The following SYNRG variants were observed in gnomAD, a reference collection of about 807,000 sequenced individuals.
SYNRG encodes AP1 gamma subunit binding protein 1.
A neutral mutation model predicts 130.9 loss-of-function variants in SYNRG; 37 were observed. The observed-to-expected ratio is 0.28, with a 90% confidence interval of 0.22 to 0.37. SYNRG has a LOEUF of 0.37. Ranked by LOEUF, SYNRG falls within the 10% of genes least tolerant of loss-of-function variation. The pLI is 1.00. For synonymous variants in SYNRG, 539 were observed against 568.1 expected (o/e 0.95, Z 0.73); for missense variants, 1,338 against 1,588.9 (o/e 0.84, Z 2.68).
At chr17:37,608,830 C>T (rs1297544623) in intron 1 of SYNRG, among the ~76,000 whole-genome samples, 3 of 152,164 alleles carry the variant, frequency 2.0e-5, no homozygotes, top group Admixed American at 6.5e-5. Context: ...CACACACACC[C>T]CCCTTGGAAA....
chr17:37,538,081 CAG>C (rs1387835362), intron 18 of SYNRG, among the ~76,000 whole-genome samples: 13 of 152,294 alleles, frequency 8.5e-5, no homozygotes, highest in Middle Eastern at 6.8e-3. Context: ...ACCAGTAACA[CAG>C]ATATAATTTT....
At chr17:37,596,188 T>C (rs1200236481) in intron 3 of SYNRG, 35 bp downstream of exon 3, 1 of 1,607,644 alleles carries the variant, frequency 6.2e-7, no homozygotes, top group Non-Finnish European at 8.5e-7. Context: ...CAACAAACAA[T>C]AACTTTGTAA....
chr17:37,561,362 T>C (rs1388204276), intron 12 of SYNRG, 105 bp from the exon 13 acceptor site: 10 of 1,420,974 alleles, frequency 7.0e-6, no homozygotes, highest in Non-Finnish European at 9.9e-6. Flanking sequence ...ACATGTGGTA[T>C]ACAGGCATTT....
intron 19 of SYNRG, among the ~76,000 whole-genome samples, chr17:37,521,796 C>T (rs1175977404): frequency 6.6e-6 from 1 of 152,080 alleles, no homozygotes; most frequent in Non-Finnish European, 1.5e-5. Context: ...GCTGACGAGG[C>T]AGGAGAATGA....
rs547140259 is a variant in SYNRG at position 37,549,164 on chromosome 17, G to T, written c.2608+3951C>A. Among the ~76,000 whole-genome samples, 3 of 148,974 alleles carry T rather than the reference G, an allele frequency of 2.0e-5. No homozygotes were observed. The East Asian group carries it at 5.9e-4, about 29-fold the overall frequency. ...AAAAAAAAAAAAGTCCTCATCTTCA[G>T]TGATTTAATTTCCTTCCTTCCTCAA... On this transcript the variant is annotated intron_variant, in intron 14 of 21. Coordinates refer to ENST00000612223, the MANE Select transcript of SYNRG (RefSeq NM_007247.6).
In SYNRG at chr17:37,520,580, A is replaced by G; in HGVS notation, c.3735T>C (p.Leu1245=). The G allele has an allele frequency of 6.2e-7, 1 of 1,614,206 alleles. No individual in the cohort carries two copies. The highest frequency in any genetic ancestry group is 1.1e-5 in the South Asian group (1 of 91,080). ...CATTCAAGAGGCACACTCCACAGGC[A>G]AGCTCCTGAGCATTTTTAATCCCAG... The part of the protein sequence containing the change: ...LRPGIKNAQE[L]ACGVCLLNVD... The change falls in exon 20 of 22, where the codon CTT becomes CTC. Residue 1245 remains leucine (L), a synonymous_variant. Coordinates refer to ENST00000612223, the MANE Select transcript of SYNRG (RefSeq NM_007247.6).
chr17:37,538,300 A>G lies in SYNRG; in HGVS notation c.3517+24T>C, dbSNP rs769350674. 86 of 1,520,210 alleles carry G rather than the reference A, an allele frequency of 5.7e-5. No individual in the cohort carries two copies. In the African/African-American group the frequency reaches 1.1e-3, roughly 19 times the overall value. 94.2% of individuals were successfully genotyped at this position (1,520,210 alleles called of 1,614,324 possible). A position where few individuals can be genotyped will look rare whatever the true frequency, so the allele number is the denominator to read the frequency against. On this transcript the variant is annotated intron_variant, in intron 18 of 21. Transcript: ENST00000612223. The stretch of plus-strand genomic sequence containing the variant: ...ATAATGCAAAGGGCCATCATTTTCA[A>G]TAGTAAAATATGAAAGAACATACCT...
chr17:37,559,532 A>G (rs1482741613), intron 13 of SYNRG, among the ~76,000 whole-genome samples: 4 of 152,230 alleles, frequency 2.6e-5, no homozygotes, highest in Non-Finnish European at 4.4e-5. Context: ...TCTACTAAAA[A>G]TATGAAAATT....
At chr17:37,604,554 T>TA (rs1340638092) in intron 1 of SYNRG, among the ~76,000 whole-genome samples, 1 of 152,228 alleles carries the variant, frequency 6.6e-6, no homozygotes, top group African/African-American at 2.4e-5. Flanking sequence ...TCCAGACCAC[T>TA]CACCCTTTTT....
intron 19 of SYNRG, among the ~76,000 whole-genome samples, chr17:37,526,236 T>C (rs763369648): frequency 5.9e-5 from 9 of 152,210 alleles, no homozygotes; most frequent in African/African-American, 1.2e-4. Flanking sequence ...ATGTTCCACA[T>C]GGTGGAGGCT....
In SYNRG at chr17:37,536,088, A is replaced by C. The variant is rs2057161351; in HGVS notation, c.3557T>G (p.Leu1186Arg). Residue 1186 changes from leucine to arginine, a missense_variant, in exon 19 of 22, where the codon CTG becomes CGG. Physicochemically the swap from Leu to Arg is moderately radical, Grantham distance 102 (BLOSUM62 -2). Transcript: ENST00000612223. ...EVYRVTKRVELGIKATAVCSE... is the reference protein window; with the variant it reads ...EVYRVTKRVERGIKATAVCSE... ...GCACACTGCAGTGGCTTTTATCCCC[A>C]GCTCCACACGCTTGGTTACCCTGTA... 1 of 1,613,924 alleles carries C rather than the reference A, an allele frequency of 6.2e-7. No individual in the cohort carries two copies. Among genetic ancestry groups the C allele is most frequent in the Non-Finnish European group, 8.5e-7 (1 of 1,179,994 alleles).
chr17:37,585,511 G>C, intron 4 of SYNRG, 81 bp from the exon 5 acceptor site: 2 of 958,546 alleles, frequency 2.1e-6, no homozygotes, highest in Non-Finnish European at 3.2e-6. Context: ...AACAGTTTCA[G>C]CAATATCATG....
rs762141700 is a variant in SYNRG at position 37,542,412 on chromosome 17, G to A, written c.2762C>T (p.Ser921Leu). ...TTTCTTTTGAAGAATTGAGGTGGCTGAGGGGGATCCACTTCCTGCTGAGAG... is the reference window on the plus strand; with the variant it reads ...TTTCTTTTGAAGAATTGAGGTGGCTAAGGGGGATCCACTTCCTGCTGAGAG... ...FVLSAGSGSP[S>L]ATSILQKKET... Residue 921 changes from serine (S) to leucine (L), a missense_variant, in exon 15 of 22, where the codon TCA becomes TTA. Around this residue, in one of 3 missense-constraint regions of SYNRG, gnomAD observed 1,146 missense variants for 1,342.3 expected, o/e 0.85. Coordinates refer to ENST00000612223, the MANE Select transcript of SYNRG (RefSeq NM_007247.6). The A allele has an allele frequency of 6.2e-6, 10 of 1,614,206 alleles. No individual in the cohort carries two copies. Among genetic ancestry groups the A allele is most frequent in the Non-Finnish European group, 6.8e-6 (8 of 1,180,044 alleles).
intron 13 of SYNRG, among the ~76,000 whole-genome samples, chr17:37,556,925 T>G (rs2059162626): frequency 6.6e-6 from 1 of 151,880 alleles, no homozygotes; most frequent in African/African-American, 2.4e-5. Context: ...TTGTTTGTTT[T>G]AATCACCACA....
intron 20 of SYNRG, among the ~76,000 whole-genome samples, 159 bp from the exon 21 acceptor site, chr17:37,520,373 C>T (rs930006601): frequency 2.6e-5 from 4 of 152,172 alleles, no homozygotes; most frequent in African/African-American, 7.2e-5. Flanking sequence ...ACAGCTCCCC[C>T]GCTGCCCTCT....
chr17:37,523,605 TGAG>T (rs1174522544), intron 19 of SYNRG, among the ~76,000 whole-genome samples: 1 of 152,122 alleles, frequency 6.6e-6, no homozygotes, highest in African/African-American at 2.4e-5. Context: ...GCCTAGAAGT[TGAG>T]GAGTTCCTCT....
intron 3 of SYNRG, among the ~76,000 whole-genome samples, chr17:37,589,948 A>T (rs553822464): frequency 1.6e-3 from 247 of 152,244 alleles, no homozygotes; most frequent in African/African-American, 5.7e-3. Context: ...AGGCAGGCAG[A>T]TCACTTGAGG....
intron 11 of SYNRG, 63 bp from the exon 12 acceptor site, chr17:37,561,652 G>T: frequency 7.9e-7 from 1 of 1,270,378 alleles, no homozygotes; most frequent in Non-Finnish European, 1.1e-6. Context: ...CTAAAAGGAA[G>T]TTAGAATTAA....
intron 14 of SYNRG, among the ~76,000 whole-genome samples, chr17:37,548,843 A>C (rs1318441643): frequency 5.0e-5 from 7 of 138,754 alleles, no homozygotes; most frequent in Admixed American, 2.9e-4. Context: ...AAAAAAAAAA[A>C]CACACAAAAA....
Sources: gnomAD v4.1 joint callset for allele counts (sites outside exome capture counted in the v4.1 genomes callset) on GRCh38, gnomAD v4.1.1 for gene constraint, gnomAD v4.1.1 regional missense constraint, MANE v1.5 for transcripts, NCBI Gene and HGNC (gene_info 2026-07-23, HGNC 2026-07-21) for gene names.